Variants in GNG7 observed in about 807,000 individuals in gnomAD.
GNG7 encodes the protein guanine nucleotide-binding protein G(I)/G(S)/G(O) subunit gamma-7.
A neutral mutation model predicts 4.0 loss-of-function variants in GNG7; 1 was observed. The observed-to-expected ratio is 0.25, with a 90% confidence interval of 0.09 to 1.18. The LOEUF (loss-of-function observed/expected upper bound fraction) is 1.18. GNG7 is among the 50% of genes most tolerant of loss of function. GNG7 has a pLI of 0.50. For missense variants in GNG7, 86 were observed against 91.9 expected, an observed-to-expected ratio of 0.94 and a Z score of 0.26; for synonymous variants, 34 against 36.9, an observed-to-expected ratio of 0.92 and a Z score of 0.29.
At position 2,546,115 on chromosome 19, in the gene GNG7, G is replaced by A. The variant is rs1381032777; in HGVS notation, c.-38+9034C>T. ...ATGCAGGCCCCCCACGGCCTGCCATGTTCTCACCAGGACGCCAAAGAGGGG... is the reference window on the plus strand; with the variant it reads ...ATGCAGGCCCCCCACGGCCTGCCATATTCTCACCAGGACGCCAAAGAGGGG... On this transcript the variant is annotated intron_variant, in intron 3 of 4. Transcript: ENST00000382159. This position sits in a 1 kb window ranked among gnomAD's most constrained non-coding sequence, Gnocchi z 6.3. Among the ~76,000 whole-genome samples, 1 of 152,228 alleles carries A rather than the reference G, an allele frequency of 6.6e-6. No individual in the cohort carries two copies. Among genetic ancestry groups the A allele is most frequent in the Admixed American group, 6.5e-5 (1 of 15,280 alleles).
chr19:2,514,835 C>A lies in GNG7; in HGVS notation c.*187G>T, dbSNP rs1972707712. Reference sequence around the variant, plus strand: ...TCCACCTACAAGGTCCATTCTACCCCATCCGGGCGGTGGGAACGCCTTTTT... The same window carrying A: ...TCCACCTACAAGGTCCATTCTACCCAATCCGGGCGGTGGGAACGCCTTTTT... On this transcript the variant is annotated 3_prime_UTR_variant, in exon 5 of 5. Transcript: ENST00000382159. 3.6e-6 allele frequency: 2 copies of A among 554,962 alleles called. No individual in the cohort carries two copies. The highest frequency in any genetic ancestry group is 3.1e-5 in the Admixed American group (1 of 32,600). The allele number at this position is 554,962 out of a possible 1,614,324, so 34.4% of individuals were successfully genotyped here.
At chr19:2,578,780 A>C (rs1485477505) in intron 2 of GNG7, among the ~76,000 whole-genome samples, 1 of 152,210 alleles carries the variant, frequency 6.6e-6, no homozygotes, top group African/African-American at 2.4e-5. Flanking sequence ...CCCGAGACCA[A>C]GAATCATCAG....
chr19:2,613,655 G>A (rs1044783324), intron 2 of GNG7, among the ~76,000 whole-genome samples: 48 of 152,156 alleles, frequency 3.2e-4, no homozygotes, highest in African/African-American at 8.9e-4. Flanking sequence ...TCAATCAGGG[G>A]TGATCCTGCC....
chr19:2,573,019 C>CT (rs1201908411), intron 2 of GNG7, among the ~76,000 whole-genome samples: 1,428 of 132,822 alleles, frequency 0.011, 15 homozygotes, highest in South Asian at 0.031. Flanking sequence ...GAAATTTCTC[C>CT]TTTTTTTTTT....
At chr19:2,650,584 C>T (rs557170661) in intron 1 of GNG7, among the ~76,000 whole-genome samples, 6 of 152,316 alleles carry the variant, frequency 3.9e-5, no homozygotes, top group Admixed American at 1.3e-4. Flanking sequence ...GTCCTCAAGA[C>T]CTTGGACTTG....
intron 2 of GNG7, among the ~76,000 whole-genome samples, chr19:2,605,585 C>T (rs1466371151): frequency 1.5e-5 from 2 of 134,086 alleles, no homozygotes; most frequent in East Asian, 4.5e-4. Context: ...TTGATCTTGG[C>T]TTACTGCAAC....
chr19:2,594,943 C>A (rs1452637054), intron 2 of GNG7: 1 of 151,768 alleles, frequency 6.6e-6, no homozygotes, highest in Non-Finnish European at 1.5e-5. Flanking sequence ...CATACCAAGA[C>A]CTCATCTCTA....
At chr19:2,526,839 T>C (rs148951040) in intron 3 of GNG7, among the ~76,000 whole-genome samples, 1,785 of 151,416 alleles carry the variant, frequency 0.012, 35 homozygotes, top group African/African-American at 0.042. Flanking sequence ...TTATTGAATA[T>C]TGTTTATCTT....
At chr19:2,689,856 A>G (rs545382592) in intron 1 of GNG7, among the ~76,000 whole-genome samples, 1 of 152,230 alleles carries the variant, frequency 6.6e-6, no homozygotes, top group African/African-American at 2.4e-5. Flanking sequence ...GTAAGAGTCC[A>G]GATACCCAGT....
intron 2 of GNG7, among the ~76,000 whole-genome samples, chr19:2,627,911 G>T (rs1982060732): frequency 6.6e-6 from 1 of 152,216 alleles, no homozygotes; most frequent in Non-Finnish European, 1.5e-5. Flanking sequence ...CACTCACTCA[G>T]TAAACATCTG....
chr19:2,621,853 C>T (rs1232063396), intron 2 of GNG7, among the ~76,000 whole-genome samples: 2 of 152,106 alleles, frequency 1.3e-5, no homozygotes, highest in African/African-American at 4.8e-5. Context: ...TCTCCTGTAG[C>T]GCCCAGGGGA....
intron 2 of GNG7, chr19:2,642,403 T>C: frequency 3.7e-6 from 1 of 273,466 alleles, no homozygotes; most frequent in South Asian, 4.0e-5. Context: ...TCTGGCTCTG[T>C]TGCCCAGGTT....
In GNG7 at chr19:2,574,150, G is replaced by A. The variant is rs140472817; in HGVS notation, c.-77-18962C>T. Among the ~76,000 whole-genome samples the A allele has an allele frequency of 2.5e-3, 383 of 152,306 alleles. 3 individuals are homozygous for A. Among genetic ancestry groups the A allele is most frequent in the African/African-American group, 8.8e-3 (366 of 41,558 alleles). ...CTGCCAGCCACCCCCACCATCTCCC[G>A]GGGTGTCCCTGCTGGGCCTGCATTC... is the stretch of plus-strand genomic sequence containing the variant. On this transcript the variant is annotated intron_variant, in intron 2 of 4. Transcript: ENST00000382159.
intron 3 of GNG7, among the ~76,000 whole-genome samples, chr19:2,542,202 C>T (rs941817184): frequency 4.7e-5 from 7 of 149,984 alleles, no homozygotes; most frequent in Admixed American, 3.3e-4. Context: ...GCAACCTCCG[C>T]CTCCCAGGTT....
chr19:2,610,101 G>A (rs1417989660), intron 2 of GNG7: 1 of 152,006 alleles, frequency 6.6e-6, no homozygotes, highest in Admixed American at 6.6e-5. Flanking sequence ...TTGCCCCAGG[G>A]GACAGCTCAG....
chr19:2,555,019 C>T (rs1330593394), intron 3 of GNG7, 130 bp downstream of exon 3: 2 of 152,044 alleles, frequency 1.3e-5, no homozygotes, highest in African/African-American at 2.4e-5. Context: ...GCTCTGAGCC[C>T]GGAGCCCTTT....
chr19:2,595,681 G>A (rs1482536085), intron 2 of GNG7, among the ~76,000 whole-genome samples: 2 of 150,104 alleles, frequency 1.3e-5, no homozygotes, highest in Non-Finnish European at 3.0e-5. Context: ...CTTGCAGCGA[G>A]CCAAGATCGC....
intron 2 of GNG7, among the ~76,000 whole-genome samples, chr19:2,583,453 C>A (rs756147063): frequency 6.6e-6 from 1 of 152,204 alleles, no homozygotes; most frequent in African/African-American, 2.4e-5. Context: ...CAAGAGCTCT[C>A]ACCTTCGACT....
At position 2,699,747 on chromosome 19, in the gene GNG7, G is replaced by A. The variant is rs563539154; in HGVS notation, c.-135+2899C>T. On this transcript the variant is annotated intron_variant, in intron 1 of 4. Coordinates refer to ENST00000382159, the MANE Select transcript of GNG7 (RefSeq NM_052847.3). ...TGGGTGGAGGTCAGGGATGCTGCTCGGCACCCTGCAGTGCCCAGAAGGCCC... is the reference window on the plus strand; with the variant it reads ...TGGGTGGAGGTCAGGGATGCTGCTCAGCACCCTGCAGTGCCCAGAAGGCCC... Among the ~76,000 whole-genome samples the A allele has an allele frequency of 7.9e-5, 12 of 152,246 alleles. No homozygotes were observed. In the South Asian group the frequency reaches 1.4e-3, roughly 18 times the overall value.
Sources: allele counts gnomAD v4.1 joint callset (sites outside exome capture counted in the v4.1 genomes callset), GRCh38; gene constraint gnomAD v4.1.1; non-coding constraint Gnocchi (gnomAD v3.1); transcripts MANE v1.5; gene names NCBI Gene and HGNC (gene_info 2026-07-23, HGNC 2026-07-21).